PALD1: variants seen among roughly 807,000 people sequenced by gnomAD.
PALD1 encodes the protein phosphatase domain containing paladin 1.
Under a neutral mutation model 96.0 loss-of-function variants are expected in PALD1, and 57 were observed. The ratio of observed to expected loss-of-function variants is 0.59; its 90% CI spans 0.48 to 0.74. The LOEUF (loss-of-function observed/expected upper bound fraction) is 0.74. Ranked by LOEUF, PALD1 falls within the 30% of genes least tolerant of loss-of-function variation. The probability of loss-of-function intolerance (pLI) is 0.00; values close to 1 mark genes in which losing one functional copy is unlikely to be tolerated. For missense variants in PALD1, 1,063 were observed against 1,143.7 expected, an observed-to-expected ratio of 0.93 and a Z score of 1.02; for synonymous variants, 464 against 473.6, an observed-to-expected ratio of 0.98 and a Z score of 0.26.
chr10:70,514,339 G>T (rs780517910), intron 1 of PALD1, among the ~76,000 whole-genome samples: 1 of 152,208 alleles, frequency 6.6e-6, no homozygotes, highest in Admixed American at 6.5e-5. Context: ...ATTTCCACAC[G>T]TCCTCTAATT....
At chr10:70,527,529 T>C (rs1018904396) in intron 2 of PALD1, among the ~76,000 whole-genome samples, 3 of 152,218 alleles carry the variant, frequency 2.0e-5, no homozygotes, top group South Asian at 2.1e-4. Flanking sequence ...AGGGCCTCAA[T>C]GGCAGAATTG....
Position 70,540,965 on chromosome 10 carries a change from T to G in PALD1, c.1909-137T>G. On this transcript the variant is annotated intron_variant, in intron 15 of 19. Transcript: ENST00000263563. This position sits in a 1 kb window ranked among gnomAD's most constrained non-coding sequence, Gnocchi z 4.2. ...TCTCATGCACCCCGGTGAGTTTTGT[T>G]TGTGTGTGCAAGCTTGGGAGCCTGA... 1.1e-6 allele frequency: 1 copy of G among 912,126 alleles called. No homozygotes were observed. The highest frequency in any genetic ancestry group is 1.7e-6 in the Non-Finnish European group (1 of 602,486). The allele number at this position is 912,126 out of a possible 1,614,324, so 56.5% of individuals were successfully genotyped here. A position where few individuals can be genotyped will look rare whatever the true frequency, so the allele number is the denominator to read the frequency against.
In PALD1 at chr10:70,541,155, C is replaced by A; in HGVS notation, c.1962C>A (p.Gly654=). The A allele has an allele frequency of 6.2e-7, 1 of 1,613,646 alleles. No homozygotes were observed. The highest frequency in any genetic ancestry group is 8.5e-7 in the Non-Finnish European group (1 of 1,179,768). ...GGGCCGCCCTCTCCAAGGACCCAGG[C>A]ACTGGCTTCGTGTTCAGCTGCCTCA... The part of the protein sequence containing the change: ...ALRAALSKDP[G]TGFVFSCLSG... Residue 654 remains glycine (G), a synonymous_variant, in exon 16 of 20, where the codon GGC becomes GGA. Transcript: ENST00000263563.
At chr10:70,534,379 G>T (rs1420444779) in intron 8 of PALD1, 46 bp from the exon 9 acceptor site, 3 of 1,367,566 alleles carry the variant, frequency 2.2e-6, no homozygotes, top group Non-Finnish European at 3.1e-6. Context: ...GTGGCCGTGT[G>T]AGACCTTTGG....
chr10:70,546,665 A>G (rs74139682), intron 17 of PALD1, among the ~76,000 whole-genome samples: 8,639 of 152,288 alleles, frequency 0.057, 599 homozygotes, highest in African/African-American at 0.17. Context: ...ATTTGCCTCC[A>G]AATTTTAAGC....
chr10:70,538,844 G>T, intron 12 of PALD1, 48 bp from the exon 13 acceptor site: 4 of 1,520,626 alleles, frequency 2.6e-6, no homozygotes, highest in Non-Finnish European at 3.6e-6. Context: ...CCCTTTCTGC[G>T]GCTACAGTCG....
intron 1 of PALD1, among the ~76,000 whole-genome samples, chr10:70,490,263 T>C (rs1461249395): frequency 6.6e-6 from 1 of 152,094 alleles, no homozygotes; most frequent in African/African-American, 2.4e-5. Context: ...ACTCTGTTGC[T>C]CAGGCTGGGG....
intron 1 of PALD1, among the ~76,000 whole-genome samples, chr10:70,507,633 G>A (rs1414776870): frequency 6.6e-6 from 1 of 152,152 alleles, no homozygotes; most frequent in South Asian, 2.1e-4. Context: ...CGTTGCCCAG[G>A]CTGGTCTCGA....
chr10:70,566,327 G>A (rs10999405), intron 19 of PALD1, among the ~76,000 whole-genome samples: 1 of 152,200 alleles, frequency 6.6e-6, no homozygotes, highest in Non-Finnish European at 1.5e-5. Flanking sequence ...CTCCCTCGCT[G>A]CTATCTGTGT....
intron 1 of PALD1, among the ~76,000 whole-genome samples, chr10:70,480,836 C>T (rs868777403): frequency 4.6e-5 from 7 of 152,138 alleles, no homozygotes; most frequent in African/African-American, 9.7e-5. Context: ...GACGTGAGTG[C>T]GTGTGTGTGC....
At chr10:70,519,399 C>A (rs906093953) in intron 1 of PALD1, among the ~76,000 whole-genome samples, 3 of 152,076 alleles carry the variant, frequency 2.0e-5, no homozygotes, top group Non-Finnish European at 4.4e-5. Context: ...TTTCATTGAT[C>A]TTGCCTTCTT....
At chr10:70,556,864 C>A (rs1285058515) in intron 18 of PALD1, among the ~76,000 whole-genome samples, 1 of 152,136 alleles carries the variant, frequency 6.6e-6, no homozygotes, top group Non-Finnish European at 1.5e-5. Flanking sequence ...TCTCATTGTC[C>A]CGATTGTGGT....
In PALD1 at chr10:70,529,208, G is replaced by GCACC. The variant is rs1564698221; in HGVS notation, c.186-20_186-19insACCC. 1.2e-5 allele frequency: 3 copies of GCACC among 260,532 alleles called. No homozygotes were observed. In the African/African-American group the frequency reaches 1.3e-4, roughly 11 times the overall value. The allele number at this position is 260,532 out of a possible 1,614,324, so 16.1% of individuals were successfully genotyped here. ...GGTTGCTTGACTCAGTTTCCATTCT[G>GCACC]CCCCCCCCCCCCCCCCCCAGGTACA... On this transcript the variant is annotated intron_variant, in intron 2 of 19. Transcript: ENST00000263563.
chr10:70,529,366 T>C, intron 3 of PALD1, 35 bp downstream of exon 3: 1 of 1,012,174 alleles, frequency 9.9e-7, no homozygotes, highest in Non-Finnish European at 1.5e-6. Flanking sequence ...GCCCGCCTGC[T>C]GCCTCCCACC....
chr10:70,477,226 G>A (rs1475178035), upstream of PALD1, among the ~76,000 whole-genome samples: 4 of 152,144 alleles, frequency 2.6e-5, no homozygotes, highest in Non-Finnish European at 2.9e-5. Flanking sequence ...GGAAACTGTG[G>A]CCCAGGATGG....
At chr10:70,542,546 T>C (rs1847273121) in intron 17 of PALD1, among the ~76,000 whole-genome samples, 1 of 152,248 alleles carries the variant, frequency 6.6e-6, no homozygotes, top group Non-Finnish European at 1.5e-5. Context: ...GTTTTATGAC[T>C]AGTTTATTTC....
intron 12 of PALD1, among the ~76,000 whole-genome samples, 171 bp downstream of exon 12, chr10:70,538,579 C>A (rs906420146): frequency 1.3e-5 from 2 of 152,116 alleles, no homozygotes; most frequent in African/African-American, 4.8e-5. Context: ...GCTTAGGCCC[C>A]AGCAAGCATT....
chr10:70,562,492 T>C (rs952844628), intron 18 of PALD1, among the ~76,000 whole-genome samples: 2 of 152,142 alleles, frequency 1.3e-5, no homozygotes, highest in African/African-American at 4.8e-5. Context: ...AAGGAGGAGA[T>C]GCATGTAGGC....
In PALD1 at chr10:70,567,936, C is replaced by T. The variant is rs1430340108; in HGVS notation, c.*1203C>T. On this transcript the variant is annotated 3_prime_UTR_variant, in exon 20 of 20. Transcript: ENST00000263563. ...GCTGAACAGTGAGGAGGCTGTCCAC[C>T]TTGCTTGGCTCACTGGGACCAGGAA... The T allele has an allele frequency of 1.3e-5, 2 of 152,036 alleles. No homozygotes were observed. Among genetic ancestry groups the T allele is most frequent in the Non-Finnish European group, 2.9e-5 (2 of 68,026 alleles). 9.4% of individuals were successfully genotyped at this position (152,036 alleles called of 1,614,324 possible).
Sources: allele counts gnomAD v4.1 joint callset (sites outside exome capture counted in the v4.1 genomes callset), GRCh38; gene constraint gnomAD v4.1.1; non-coding constraint Gnocchi (gnomAD v3.1); transcripts MANE v1.5; gene names NCBI Gene and HGNC (gene_info 2026-07-23, HGNC 2026-07-21).